The following ADGRV1 variants were observed in gnomAD, a reference collection of about 807,000 sequenced individuals.
The protein encoded by ADGRV1 is adhesion G protein-coupled receptor V1, also known as G-protein coupled receptor 98.
Under a neutral mutation model 596.2 loss-of-function variants are expected in ADGRV1, and 359 were observed. The ratio of observed to expected loss-of-function variants is 0.60; its 90% CI spans 0.55 to 0.66. ADGRV1 has a LOEUF of 0.66. Among genes scored for constraint, ADGRV1 ranks in the 30% least tolerant of loss-of-function variants. ADGRV1 has a pLI of 0.00. For synonymous variants in ADGRV1, 2,681 were observed against 2,679.2 expected (o/e 1.00, Z -0.02); for missense variants, 7,274 against 7,575.6 (o/e 0.96, Z 1.48).
At chr5:90,729,223 C>T (rs753812784) in intron 49 of ADGRV1, among the ~76,000 whole-genome samples, 1 of 152,042 alleles carries the variant, frequency 6.6e-6, no homozygotes, top group Non-Finnish European at 1.5e-5. Flanking sequence ...AGGATGCAAA[C>T]AAGTAACTTT....
intron 87 of ADGRV1, among the ~76,000 whole-genome samples, chr5:91,135,237 A>G (rs917191050): frequency 1.3e-5 from 2 of 152,196 alleles, no homozygotes; most frequent in African/African-American, 4.8e-5. Flanking sequence ...TTGTGTACTA[A>G]AATTAAAATT....
intron 23 of ADGRV1, 24 bp from the exon 24 acceptor site, chr5:90,675,219 C>T (rs181284632): frequency 5.9e-5 from 94 of 1,600,252 alleles, no homozygotes; most frequent in Non-Finnish European, 7.9e-5. Context: ...TGGGACAATG[C>T]CCTGGCCCCT....
At chr5:90,892,094 C>T (rs2150586640) in intron 83 of ADGRV1, among the ~76,000 whole-genome samples, 1 of 152,114 alleles carries the variant, frequency 6.6e-6, no homozygotes, top group South Asian at 2.1e-4. Flanking sequence ...GTCATAGAAT[C>T]TTTCATGGAA....
intron 1 of ADGRV1, among the ~76,000 whole-genome samples, chr5:90,593,363 A>G (rs1399868093): frequency 6.6e-6 from 1 of 152,096 alleles, no homozygotes; most frequent in East Asian, 1.9e-4. Context: ...GGAAAACCAA[A>G]CACCACATGT....
intron 83 of ADGRV1, among the ~76,000 whole-genome samples, chr5:90,955,276 T>C (rs949789): frequency 0.23 from 34,576 of 152,136 alleles, 4,531 homozygotes; most frequent in Non-Finnish European, 0.3. Context: ...TTCTTCCTCA[T>C]TGATGAGCAA....
chr5:91,012,321 T>TA (rs1191839531), intron 85 of ADGRV1, among the ~76,000 whole-genome samples: 3 of 152,114 alleles, frequency 2.0e-5, no homozygotes, highest in South Asian at 4.1e-4. Context: ...TTGAACAACT[T>TA]ACGCTTTCCT....
rs186063763 is a variant in ADGRV1, at chr5:91,020,139, G to A, written c.18152+34617G>A. Among the ~76,000 whole-genome samples, 9 of 152,086 alleles carry A rather than the reference G, an allele frequency of 5.9e-5. 1 individual carries two copies. In the East Asian group the frequency reaches 9.7e-4, roughly 16 times the overall value. On this transcript the variant is annotated intron_variant, in intron 85 of 89. Coordinates refer to ENST00000405460, the MANE Select transcript of ADGRV1 (RefSeq NM_032119.4). ...TGGATGGCAAGTGATGCTCCTATCC[G>A]TATAAAGTTAACTGGTTTACATTAT... is the stretch of plus-strand genomic sequence containing the variant.
chr5:91,039,080 G>T (rs1464354228), intron 85 of ADGRV1, among the ~76,000 whole-genome samples: 1 of 152,060 alleles, frequency 6.6e-6, no homozygotes, highest in Admixed American at 6.6e-5. Context: ...ATTGAACCTG[G>T]TGCTTCCAAT....
At position 90,628,577 on chromosome 5, in the gene ADGRV1, A is replaced by G. The variant is rs1315101894; in HGVS notation, c.1254A>G (p.Thr418=). The G allele has an allele frequency of 2.5e-6, 4 of 1,613,522 alleles. No individual in the cohort carries two copies. Among genetic ancestry groups the G allele is most frequent in the African/African-American group, 1.3e-5 (1 of 74,940 alleles). The change falls in exon 8 of 90, where the codon ACA becomes ACG. Residue 418 remains threonine, a synonymous_variant. Transcript: ENST00000405460. ...EDRISRYEEI[T]VVRNGGTHGN... is the part of the protein sequence containing the mutation. The stretch of plus-strand genomic sequence containing the variant: ...AACATTTAAGATATGAAGAAATCAC[A>G]GTGGTTAGAAATGGAGGAACCCATG...
chr5:91,047,284 A>C (rs1454999484), intron 85 of ADGRV1, among the ~76,000 whole-genome samples: 1 of 152,122 alleles, frequency 6.6e-6, no homozygotes, highest in East Asian at 1.9e-4. Flanking sequence ...TATGTATTAG[A>C]GTTCTCTAGA....
intron 74 of ADGRV1, among the ~76,000 whole-genome samples, chr5:90,814,468 T>G (rs1489179442): frequency 3.3e-5 from 5 of 152,180 alleles, no homozygotes; most frequent in Non-Finnish European, 5.9e-5. Context: ...CACTCAATTT[T>G]CATCTCCAGT....
At chr5:90,652,812 T>G (rs1001148709) in intron 19 of ADGRV1, among the ~76,000 whole-genome samples, 3 of 152,178 alleles carry the variant, frequency 2.0e-5, no homozygotes, top group Admixed American at 6.5e-5. Context: ...AACATGCAAA[T>G]AGACTTTCTC....
At position 90,814,641 on chromosome 5, in the gene ADGRV1, A is replaced by G. The variant is rs528467829; in HGVS notation, c.16079-978A>G. 8.5e-4 allele frequency among the ~76,000 whole-genome samples: 130 copies of G among 152,214 alleles called. 4 individuals are homozygous for G. In the Middle Eastern group the frequency reaches 0.024, roughly 28 times the overall value. ...CCTTTGCTGTCTCTCTCCTGCCACC[A>G]TATATGACGTGCTTTGCTTCCCCTT... On this transcript the variant is annotated intron_variant, in intron 74 of 89. Coordinates refer to ENST00000405460, the MANE Select transcript of ADGRV1 (RefSeq NM_032119.4).
At chr5:90,688,482 G>A (rs1454279873) in intron 29 of ADGRV1, among the ~76,000 whole-genome samples, 2 of 151,998 alleles carry the variant, frequency 1.3e-5, no homozygotes. Context: ...CAGCCTTCCG[G>A]GTAGCTGGGA....
At chr5:90,617,996 T>G in intron 3 of ADGRV1, 43 bp downstream of exon 3, 2 of 1,410,142 alleles carry the variant, frequency 1.4e-6, no homozygotes, top group South Asian at 2.9e-5. Flanking sequence ...AAGGAGGACT[T>G]ATAAAACTTA....
In ADGRV1 at chr5:90,708,799, GA is replaced by G; in HGVS notation, c.8731-16del. 1 of 1,506,940 alleles carries G rather than the reference GA, an allele frequency of 6.6e-7. No individual in the cohort carries two copies. The highest frequency in any genetic ancestry group is 1.4e-5 in the African/African-American group (1 of 72,938). 93.3% of individuals were successfully genotyped at this position (1,506,940 alleles called of 1,614,324 possible). A position where few individuals can be genotyped will look rare whatever the true frequency, so the allele number is the denominator to read the frequency against. ...GAGAGTATAACTAAAGGAATTTAAT[GA>G]GTGTAATTTTTTCAGGATGATGTAC... On this transcript the variant is annotated splice_polypyrimidine_tract_variant and intron_variant, in intron 38 of 89. Transcript: ENST00000405460.
chr5:90,868,561 A>G (rs1412744588), intron 83 of ADGRV1, among the ~76,000 whole-genome samples: 4 of 151,834 alleles, frequency 2.6e-5, no homozygotes, highest in African/African-American at 9.7e-5. Flanking sequence ...AGAAGATATA[A>G]CTAGTTCCCC....
rs1024965898 is a variant in ADGRV1, at chr5:90,818,603, T to C, written c.16196+2867T>C. ...AAATACATCCCATCAATACCTAATT[T>C]ATTGAGAATTTTTAGCATGAAGGGT... On this transcript the variant is annotated intron_variant, in intron 75 of 89. Transcript: ENST00000405460. Among the ~76,000 whole-genome samples, 32 of 151,672 alleles carry C rather than the reference T, an allele frequency of 2.1e-4. 1 individual carries two copies. The highest frequency in any genetic ancestry group is 2.7e-4 in the Non-Finnish European group (18 of 67,808).
At chr5:90,799,084 A>C (rs1320567020) in intron 70 of ADGRV1, among the ~76,000 whole-genome samples, 1 of 152,216 alleles carries the variant, frequency 6.6e-6, no homozygotes, top group Non-Finnish European at 1.5e-5. Context: ...CAGGGCAATC[A>C]GACAAAAGAA....
Sources: gnomAD v4.1 joint callset for allele counts (sites outside exome capture counted in the v4.1 genomes callset) on GRCh38, gnomAD v4.1.1 for gene constraint, MANE v1.5 for transcripts, NCBI Gene and HGNC (gene_info 2026-07-23, HGNC 2026-07-21) for gene names.